Variants in MMP24 observed in about 807,000 individuals in gnomAD.
The protein encoded by MMP24 is matrix metalloproteinase-24.
MMP24 carries 25 observed loss-of-function variants against 62.8 expected under a neutral mutation model. The observed-to-expected ratio is 0.40, with a 90% CI of 0.29 to 0.56. The LOEUF (loss-of-function observed/expected upper bound fraction) is 0.56, where lower values mean the gene tolerates loss of function less well. Ranked by LOEUF, MMP24 falls within the 20% of genes least tolerant of loss-of-function variation. MMP24 has a pLI of 0.50. For missense variants in MMP24, 634 were observed against 853.6 expected (o/e 0.74, Z 3.21); for synonymous variants, 319 against 350.5 (o/e 0.91, Z 1.00).
intron 2 of MMP24, 136 bp downstream of exon 2, chr20:35,247,124 A>C: frequency 9.2e-7 from 1 of 1,092,438 alleles, no homozygotes; most frequent in Non-Finnish European, 1.3e-6. Flanking sequence ...CCTGGGAAAG[A>C]ATATCTCGAT....
chr20:35,235,791 A>T (rs1457068360), intron 1 of MMP24, among the ~76,000 whole-genome samples: 1 of 152,134 alleles, frequency 6.6e-6, no homozygotes, highest in Admixed American at 6.6e-5. Flanking sequence ...ACTCACCAAG[A>T]AGTCGAGCCT....
chr20:35,262,451 A>T (rs1207332478), intron 4 of MMP24, among the ~76,000 whole-genome samples: 3 of 151,574 alleles, frequency 2.0e-5, no homozygotes, highest in Admixed American at 1.3e-4. Context: ...ATGCATACAC[A>T]TAAACATCTC....
At position 35,254,865 on chromosome 20, in the gene MMP24, C is replaced by G. The variant is rs1027630035; in HGVS notation, c.817+111C>G. The G allele has an allele frequency of 4.0e-6, 5 of 1,238,262 alleles. 1 individual carries two copies. The Middle Eastern group carries it at 8.4e-4, about 209-fold the overall frequency. 76.7% of individuals were successfully genotyped at this position (1,238,262 alleles called of 1,614,324 possible). On this transcript the variant is annotated intron_variant, in intron 4 of 8. Coordinates refer to ENST00000246186, the MANE Select transcript of MMP24 (RefSeq NM_006690.4). ...CTTTCTAGAGCCTCTTGTCCAAGAA[C>G]TAAGACCGTAAGAGGGTGGGAACTG...
chr20:35,258,681 A>C (rs963489273), intron 4 of MMP24, among the ~76,000 whole-genome samples: 1 of 152,106 alleles, frequency 6.6e-6, no homozygotes, highest in Admixed American at 6.6e-5. Context: ...CCTATTCACC[A>C]TATTAGCAAA....
Position 35,263,842 on chromosome 20 carries a change from T to A in MMP24, c.869T>A (p.Leu290Gln). The A allele has an allele frequency of 6.2e-7, 1 of 1,610,042 alleles. No homozygotes were observed. The highest frequency in any genetic ancestry group is 8.5e-7 in the Non-Finnish European group (1 of 1,178,176). Residue 290 changes from leucine (L) to glutamine (Q), a missense_variant, in exon 5 of 9, where the codon CTG (leucine) becomes CAG (glutamine). Leu to Gln is a moderately radical substitution (Grantham distance 113). This residue lies in a region of MMP24 where 399 missense variants were observed against 530.8 expected (regional missense o/e 0.75). Coordinates refer to ENST00000246186, the MANE Select transcript of MMP24 (RefSeq NM_006690.4). The stretch of plus-strand genomic sequence containing the variant: ...CATGAGCTGGGCCACGCGCTGGGAC[T>A]GGAGCACTCCAGCGACCCCAGCGCC... ...AVHELGHALG[L>Q]EHSSDPSAIM...
rs752223798 is a variant in MMP24 at position 35,254,605 on chromosome 20, T to C, written c.668T>C (p.Phe223Ser). The change falls in exon 4 of 9, where the codon TTT (phenylalanine) becomes TCT (serine). Residue 223 changes from phenylalanine (F) to serine (S), a missense_variant. This residue lies in a region of MMP24 where 23 missense variants were observed against 63.1 expected (regional missense o/e 0.36). Coordinates refer to ENST00000246186, the MANE Select transcript of MMP24 (RefSeq NM_006690.4). Reference protein sequence around the residue: ...SDRKEADIMIFFASGFHGDSS... With the variant: ...SDRKEADIMISFASGFHGDSS... Reference sequence around the variant, plus strand: ...CGGAAGGAGGCAGACATCATGATCTTTTTTGCTTCTGGTTTCCATGGCGAC... The same window carrying C: ...CGGAAGGAGGCAGACATCATGATCTCTTTTGCTTCTGGTTTCCATGGCGAC... 2.5e-6 allele frequency: 4 copies of C among 1,614,152 alleles called. No individual in the cohort carries two copies. In the South Asian group the frequency reaches 4.4e-5, roughly 18 times the overall value.
intron 1 of MMP24, among the ~76,000 whole-genome samples, chr20:35,242,711 A>AC (rs2060494961): frequency 6.6e-6 from 1 of 152,234 alleles, no homozygotes; most frequent in Admixed American, 6.5e-5. Flanking sequence ...TCCACTCAGC[A>AC]CCAGGCCCTA....
chr20:35,227,217 C>T (rs1275159067), intron 1 of MMP24, among the ~76,000 whole-genome samples: 1 of 150,828 alleles, frequency 6.6e-6, no homozygotes, highest in Non-Finnish European at 1.5e-5. Context: ...ACAGGGGCAG[C>T]GGGCGGGGGC....
intron 8 of MMP24, chr20:35,272,227 CA>C (rs199954793): frequency 7.3e-5 from 31 of 422,484 alleles, no homozygotes; most frequent in East Asian, 1.7e-4. Flanking sequence ...AGAAAACCTT[CA>C]AAAAAAATTT....
intron 2 of MMP24, among the ~76,000 whole-genome samples, chr20:35,250,598 T>C (rs1182602031): frequency 4.0e-5 from 6 of 151,014 alleles, no homozygotes; most frequent in Admixed American, 6.6e-5. Context: ...GAGAAATACC[T>C]GAAACTGGGT....
intron 3 of MMP24, among the ~76,000 whole-genome samples, chr20:35,252,407 G>A (rs891789889): frequency 5.3e-5 from 8 of 152,286 alleles, no homozygotes; most frequent in African/African-American, 1.4e-4. Context: ...GTGACAGAGT[G>A]AGACTCTGTC....
intron 4 of MMP24, among the ~76,000 whole-genome samples, chr20:35,259,554 C>T (rs929533152): frequency 1.3e-5 from 2 of 152,128 alleles, no homozygotes; most frequent in African/African-American, 4.8e-5. Context: ...TGGAAGGCTT[C>T]CTGGAAGACA....
intron 1 of MMP24, among the ~76,000 whole-genome samples, chr20:35,240,021 G>T (rs774265506): frequency 3.3e-5 from 5 of 152,070 alleles, no homozygotes; most frequent in African/African-American, 4.8e-5. Flanking sequence ...GAGGGGGAAG[G>T]GCTGCCTGTC....
At chr20:35,249,888 T>C (rs2060535777) in intron 2 of MMP24, among the ~76,000 whole-genome samples, 1 of 152,076 alleles carries the variant, frequency 6.6e-6, no homozygotes, top group African/African-American at 2.4e-5. Context: ...CCACCGTGCC[T>C]GGCCCGGGAA....
intron 7 of MMP24, among the ~76,000 whole-genome samples, chr20:35,270,215 G>T (rs1412448987): frequency 6.6e-6 from 1 of 152,218 alleles, no homozygotes; most frequent in Non-Finnish European, 1.5e-5. Flanking sequence ...CTCAAGCTGG[G>T]GAGGTCGGGG....
At chr20:35,236,973 CAAAAA>C (rs10710875) in intron 1 of MMP24, among the ~76,000 whole-genome samples, 2 of 76,486 alleles carry the variant, frequency 2.6e-5, no homozygotes, top group South Asian at 4.6e-4. Flanking sequence ...GACACCATCT[CAAAAA>C]AAAAAAAAAA....
intron 1 of MMP24, among the ~76,000 whole-genome samples, chr20:35,235,698 C>CA (rs965277993): frequency 5.3e-5 from 8 of 151,824 alleles, no homozygotes; most frequent in Non-Finnish European, 1.5e-5. Context: ...GACTATGTCT[C>CA]AAAAAAAAAT....
At position 35,271,740 on chromosome 20, in the gene MMP24, A is replaced by G. The variant is rs1239705379; in HGVS notation, c.1505A>G (p.Glu502Gly). The G allele has an allele frequency of 1.2e-6, 2 of 1,600,634 alleles. No individual in the cohort carries two copies. The highest frequency in any genetic ancestry group is 1.7e-6 in the Non-Finnish European group (2 of 1,173,966). Residue 502 changes from glutamate to glycine, a missense_variant, in exon 8 of 9, where the codon GAG becomes GGG. Physicochemically the swap from Glu to Gly is moderately conservative, Grantham distance 98. This residue lies in a region of MMP24 where 399 missense variants were observed against 530.8 expected (regional missense o/e 0.75). Coordinates refer to ENST00000246186, the MANE Select transcript of MMP24 (RefSeq NM_006690.4). The surrounding 1 kb of genome is among the most constrained non-coding windows in gnomAD (Gnocchi z 4.0). ...KGERYWRYSE[E>G]RRATDPGYPK... ...GAGCGGTACTGGCGCTACAGCGAGG[A>G]GCGGCGGGCCACGGACCCTGGCTAC... is the stretch of plus-strand genomic sequence containing the variant.
intron 1 of MMP24, among the ~76,000 whole-genome samples, chr20:35,241,301 T>TAC (rs2060487298): frequency 6.6e-6 from 1 of 152,184 alleles, no homozygotes; most frequent in Non-Finnish European, 1.5e-5. Context: ...TAGCCTCTAA[T>TAC]ACACACACAC....
Sources: allele counts gnomAD v4.1 joint callset (sites outside exome capture counted in the v4.1 genomes callset), GRCh38; gene constraint gnomAD v4.1.1; regional missense constraint gnomAD v4.1.1; non-coding constraint Gnocchi (gnomAD v3.1); transcripts MANE v1.5; gene names NCBI Gene and HGNC (gene_info 2026-07-23, HGNC 2026-07-21).